MCPH1: variants seen among roughly 807,000 people sequenced by gnomAD.
The protein encoded by MCPH1 is microcephalin.
Under a neutral mutation model 84.5 loss-of-function variants are expected in MCPH1, and 104 were observed. The observed-to-expected ratio is 1.23, with a 90% CI of 1.05 to 1.45. The LOEUF (loss-of-function observed/expected upper bound fraction) is 1.45. MCPH1 is among the 40% of genes most tolerant of loss of function. The probability of loss-of-function intolerance (pLI) is 0.00; values close to 1 mark genes in which losing one functional copy is unlikely to be tolerated. For missense variants in MCPH1, 1,498 were observed against 1,005.7 expected, an observed-to-expected ratio of 1.49 and a Z score of -6.62; for synonymous variants, 514 against 366.8, an observed-to-expected ratio of 1.40 and a Z score of -4.58.
chr8:6,508,724 C>T, intron 12 of MCPH1: 1 of 684,456 alleles, frequency 1.5e-6, no homozygotes, highest in Non-Finnish European at 2.4e-6. Flanking sequence ...AGTTGGCTTG[C>T]TGACAAGTCT....
At chr8:6,577,217 A>T (rs937768504) in intron 12 of MCPH1, among the ~76,000 whole-genome samples, 1 of 152,170 alleles carries the variant, frequency 6.6e-6, no homozygotes, top group African/African-American at 2.4e-5. Context: ...AGTGCTGCAG[A>T]CAGGGCCTCC....
chr8:6,473,795 C>T (rs1277975101), intron 9 of MCPH1: 2 of 1,054,272 alleles, frequency 1.9e-6, no homozygotes, highest in Non-Finnish European at 2.6e-6. Context: ...ATGATGTCAG[C>T]AGAGAGATAT....
intron 3 of MCPH1, among the ~76,000 whole-genome samples, chr8:6,425,276 CTT>C (rs927099790): frequency 2.0e-5 from 3 of 152,176 alleles, no homozygotes; most frequent in African/African-American, 4.8e-5. Context: ...TCTTGAAACA[CTT>C]TTCGTTTTGA....
chr8:6,550,780 T>A (rs1823510099), intron 12 of MCPH1, among the ~76,000 whole-genome samples: 1 of 152,236 alleles, frequency 6.6e-6, no homozygotes, highest in African/African-American at 2.4e-5. Context: ...TGGAGTTTCT[T>A]ACCCATATAG....
intron 12 of MCPH1, among the ~76,000 whole-genome samples, chr8:6,606,102 AAGTTC>A (rs1295082663): frequency 6.6e-6 from 1 of 152,210 alleles, no homozygotes; most frequent in Non-Finnish European, 1.5e-5. Flanking sequence ...AGCTTTTGAT[AAGTTC>A]AGTGGCTCCT....
chr8:6,458,782 C>A (rs1212756539), intron 9 of MCPH1, among the ~76,000 whole-genome samples: 1 of 151,992 alleles, frequency 6.6e-6, no homozygotes, highest in Non-Finnish European at 1.5e-5. Context: ...GTAGCTGGAA[C>A]CACAGGCACC....
At chr8:6,585,846 C>T (rs1028196180) in intron 12 of MCPH1, among the ~76,000 whole-genome samples, 3 of 152,158 alleles carry the variant, frequency 2.0e-5, no homozygotes, top group African/African-American at 7.2e-5. Context: ...TTCTATTGCA[C>T]GGAAGCTGGC....
At chr8:6,597,645 C>T (rs968626547) in intron 12 of MCPH1, among the ~76,000 whole-genome samples, 3 of 152,088 alleles carry the variant, frequency 2.0e-5, no homozygotes, top group East Asian at 1.9e-4. Flanking sequence ...GAGGGCTCAG[C>T]GCTAGGAAGG....
chr8:6,566,480 G>A (rs901847516), intron 12 of MCPH1, among the ~76,000 whole-genome samples: 26 of 152,236 alleles, frequency 1.7e-4, no homozygotes, highest in African/African-American at 5.3e-4. Context: ...TGCAGCGACC[G>A]TGTGTGGTCA....
intron 13 of MCPH1, among the ~76,000 whole-genome samples, chr8:6,630,346 A>G (rs1481595117): frequency 3.3e-5 from 5 of 152,256 alleles, no homozygotes; most frequent in East Asian, 1.9e-4. Context: ...TTTTAAAATC[A>G]TAAGAGAGCA....
chr8:6,490,317 GGTTTT>G (rs1213858824), intron 11 of MCPH1, among the ~76,000 whole-genome samples: 1 of 152,130 alleles, frequency 6.6e-6, no homozygotes, highest in Non-Finnish European at 1.5e-5. Context: ...ACCATGGTTT[GGTTTT>G]ATCTGTCACT....
intron 12 of MCPH1, among the ~76,000 whole-genome samples, chr8:6,520,849 T>C (rs1817193294): frequency 6.6e-6 from 1 of 152,222 alleles, no homozygotes; most frequent in African/African-American, 2.4e-5. Flanking sequence ...GGGTCTGATA[T>C]TATTTTTCCC....
chr8:6,604,136 C>G (rs994498585), intron 12 of MCPH1, among the ~76,000 whole-genome samples: 1 of 152,030 alleles, frequency 6.6e-6, no homozygotes, highest in African/African-American at 2.4e-5. Context: ...CCTTCCCTGT[C>G]TCATCTAGCT....
At chr8:6,574,012 C>T (rs746806989) in intron 12 of MCPH1, among the ~76,000 whole-genome samples, 1 of 152,190 alleles carries the variant, frequency 6.6e-6, no homozygotes, top group Non-Finnish European at 1.5e-5. Flanking sequence ...AACATTCTTA[C>T]AATTTCCCAA....
chr8:6,417,806 T>C (rs1799533322), intron 3 of MCPH1, among the ~76,000 whole-genome samples: 1 of 152,234 alleles, frequency 6.6e-6, no homozygotes, highest in African/African-American at 2.4e-5. Flanking sequence ...TGTTTTGTTT[T>C]TGTTTTTCTT....
intron 3 of MCPH1, 76 bp from the exon 4 acceptor site, chr8:6,431,423 C>A: frequency 9.4e-7 from 1 of 1,068,438 alleles, no homozygotes; most frequent in Middle Eastern, 2.3e-4. Context: ...ATTGCTAATA[C>A]ATGTGCAGAT....
Position 6,498,437 on chromosome 8 carries a change from A to G in MCPH1, c.2137-1415A>G, listed in dbSNP as rs531342090. On this transcript the variant is annotated intron_variant, in intron 11 of 13. Coordinates refer to ENST00000344683, the MANE Select transcript of MCPH1 (RefSeq NM_024596.5). Reference sequence around the variant, plus strand: ...TAGTGTTTTCTCCTATCTCTATGCAATATTAATTCCTGGGATGTCTGTGTA... The same window carrying G: ...TAGTGTTTTCTCCTATCTCTATGCAGTATTAATTCCTGGGATGTCTGTGTA... 3.3e-5 allele frequency among the ~76,000 whole-genome samples: 5 copies of G among 152,328 alleles called. No individual in the cohort carries two copies. In the East Asian group the frequency reaches 5.8e-4, roughly 18 times the overall value.
At chr8:6,609,788 C>A (rs1012981068) in intron 12 of MCPH1, among the ~76,000 whole-genome samples, 2 of 148,460 alleles carry the variant, frequency 1.3e-5, no homozygotes, top group African/African-American at 4.9e-5. Flanking sequence ...TTATTTTTGC[C>A]GGGAATCTCA....
chr8:6,463,519 G>T (rs1806511085), intron 9 of MCPH1, among the ~76,000 whole-genome samples: 1 of 152,142 alleles, frequency 6.6e-6, no homozygotes. Context: ...AGCTCATTTG[G>T]GTGTAGCATC....
Sources: gnomAD v4.1 joint callset for allele counts (sites outside exome capture counted in the v4.1 genomes callset) on GRCh38, gnomAD v4.1.1 for gene constraint, MANE v1.5 for transcripts, NCBI Gene and HGNC (gene_info 2026-07-23, HGNC 2026-07-21) for gene names.